The following AKT3 variants were observed in gnomAD, a reference collection of about 807,000 sequenced individuals.
The protein encoded by AKT3 is RAC-gamma serine/threonine-protein kinase.
Under a neutral mutation model 65.3 loss-of-function variants are expected in AKT3, and 15 were observed. That is an observed-to-expected ratio of 0.23 (90% CI 0.15 to 0.35). The LOEUF (loss-of-function observed/expected upper bound fraction) is 0.35, where lower values mean the gene tolerates loss of function less well. AKT3 is among the 10% of genes least tolerant of loss of function. AKT3 has a pLI of 1.00. For missense variants in AKT3, 243 were observed against 576.5 expected (o/e 0.42, Z 5.92); for synonymous variants, 206 against 183.8 (o/e 1.12, Z -0.98).
At chr1:243,597,972 GA>G (rs1182025529) in intron 8 of AKT3, among the ~76,000 whole-genome samples, 6 of 152,084 alleles carry the variant, frequency 3.9e-5, no homozygotes, top group East Asian at 1.9e-4. Flanking sequence ...TTTTGCAATA[GA>G]AAAAAATTAT....
chr1:243,587,362 G>C (rs978826465), intron 8 of AKT3, among the ~76,000 whole-genome samples: 1 of 152,098 alleles, frequency 6.6e-6, no homozygotes, highest in African/African-American at 2.4e-5. Flanking sequence ...TGTAATCCTA[G>C]CACTTTGGGA....
rs759874127 is a variant in AKT3, at chr1:243,670,679, T to C, written c.173-5796A>G. 3.0e-4 allele frequency among the ~76,000 whole-genome samples: 45 copies of C among 152,232 alleles called. 1 individual carries two copies. Among genetic ancestry groups the C allele is most frequent in the Admixed American group, 1.8e-3 (27 of 15,268 alleles). The stretch of plus-strand genomic sequence containing the variant: ...GTAAAGTAAATGTGCTTATACAAAA[T>C]GCCAGGTAGCTAACTCTTATTATAA... On this transcript the variant is annotated intron_variant, in intron 3 of 13. Transcript: ENST00000673466.
Position 243,512,579 on chromosome 1 carries a change from CAGTCAACAGTCTAA to C in AKT3, c.1252-167_1252-154del, listed in dbSNP as rs1670087224. On this transcript the variant is annotated intron_variant, in intron 12 of 13. Coordinates refer to ENST00000673466, the MANE Select transcript of AKT3 (RefSeq NM_005465.7). ...AAGGGAGACATGATATTTGGCTTCC[CAGTCAACAGTCTAA>C]ACCAACCGGTGGGTAATTGGTGGTT... Among the ~76,000 whole-genome samples the C allele has an allele frequency of 2.6e-5, 4 of 152,114 alleles. No individual in the cohort carries two copies. In the South Asian group the frequency reaches 8.3e-4, roughly 32 times the overall value.
intron 2 of AKT3, among the ~76,000 whole-genome samples, chr1:243,723,338 G>GCT (rs1687027829): frequency 6.6e-6 from 1 of 152,118 alleles, no homozygotes; most frequent in South Asian, 2.1e-4. Flanking sequence ...TACTTTCAAA[G>GCT]CTATTTTCTT....
In AKT3 at chr1:243,538,308, A is replaced by T. The variant is rs144079088; in HGVS notation, c.1251+7202T>A. ...CCTCCAAACAATAAAACAGACATAC[A>T]AGAAGACAATAGCAGTGATAAAATG... is the stretch of plus-strand genomic sequence containing the variant. On this transcript the variant is annotated intron_variant, in intron 12 of 13. Coordinates refer to ENST00000673466, the MANE Select transcript of AKT3 (RefSeq NM_005465.7). Among the ~76,000 whole-genome samples the T allele has an allele frequency of 2.0e-5, 3 of 152,262 alleles. No homozygotes were observed. In the East Asian group the frequency reaches 5.8e-4, roughly 29 times the overall value.
At chr1:243,506,547 C>T (rs1295957485) in intron 13 of AKT3, among the ~76,000 whole-genome samples, 1 of 152,270 alleles carries the variant, frequency 6.6e-6, no homozygotes, top group Non-Finnish European at 1.5e-5. Context: ...AGAATAAACA[C>T]TTCCATTCTT....
intron 13 of AKT3, chr1:243,489,154 C>T: frequency 6.2e-7 from 1 of 1,611,138 alleles, no homozygotes; most frequent in Admixed American, 1.7e-5. Context: ...CTGTGCAGAA[C>T]GCGGCGCAGG....
chr1:243,694,536 T>A (rs1475518036), intron 3 of AKT3, among the ~76,000 whole-genome samples: 1 of 151,978 alleles, frequency 6.6e-6, no homozygotes, highest in Admixed American at 6.6e-5. Flanking sequence ...AGCTTTTTTT[T>A]TTAAGTTAGT....
intron 2 of AKT3, among the ~76,000 whole-genome samples, chr1:243,737,424 C>T (rs1037367909): frequency 4.6e-5 from 7 of 152,026 alleles, no homozygotes; most frequent in Non-Finnish European, 1.0e-4. Flanking sequence ...GTTATTCCTT[C>T]TTCTTCTTCT....
At chr1:243,677,079 G>C (rs1438239173) in intron 3 of AKT3, among the ~76,000 whole-genome samples, 1 of 152,122 alleles carries the variant, frequency 6.6e-6, no homozygotes, top group African/African-American at 2.4e-5. Context: ...ATTCCTCACT[G>C]CCAAACTATA....
At chr1:243,814,227 T>C (rs1693370861) in intron 2 of AKT3, among the ~76,000 whole-genome samples, 2 of 152,216 alleles carry the variant, frequency 1.3e-5, no homozygotes, top group African/African-American at 4.8e-5. Context: ...GGGAAAGTAA[T>C]ATTCTCTTCT....
intron 3 of AKT3, among the ~76,000 whole-genome samples, chr1:243,693,243 G>A (rs7526046): frequency 2.2e-5 from 1 of 45,382 alleles, no homozygotes; most frequent in African/African-American, 7.8e-5. Context: ...GCTACAATTT[G>A]ATATATATAT....
chr1:243,748,355 A>T (rs1028409328), intron 2 of AKT3, among the ~76,000 whole-genome samples: 14 of 7,086 alleles, frequency 2.0e-3, no homozygotes, highest in Admixed American at 0.015. Flanking sequence ...ATGGGACTTA[A>T]AAAAAAAAAC....
intron 2 of AKT3, chr1:243,808,340 C>G (rs1184721460): frequency 6.6e-6 from 1 of 152,120 alleles, no homozygotes; most frequent in African/African-American, 2.4e-5. Flanking sequence ...CTTAAAGGAC[C>G]TGATGGAGCT....
At chr1:243,492,703 G>A (rs556775696) in intron 13 of AKT3, among the ~76,000 whole-genome samples, 1 of 141,480 alleles carries the variant, frequency 7.1e-6, no homozygotes, top group Non-Finnish European at 1.5e-5. Context: ...TGCCTCCTGG[G>A]TTCAAGCAAT....
At chr1:243,658,313 T>C (rs114178086) in intron 4 of AKT3, among the ~76,000 whole-genome samples, 106 of 152,288 alleles carry the variant, frequency 7.0e-4, no homozygotes, top group African/African-American at 2.5e-3. Flanking sequence ...AGACATTTCT[T>C]CAAAGTAGAC....
chr1:243,795,500 C>A (rs1691934365), intron 2 of AKT3, among the ~76,000 whole-genome samples: 1 of 103,516 alleles, frequency 9.7e-6, no homozygotes, highest in African/African-American at 3.7e-5. Context: ...GAGACGGAGT[C>A]TCGCTCTGTC....
At chr1:243,673,611 A>ATT (rs11386712) in intron 3 of AKT3, among the ~76,000 whole-genome samples, 6,650 of 124,086 alleles carry the variant, frequency 0.054, 647 homozygotes, top group African/African-American at 0.18. Context: ...TAATTATGAG[A>ATT]TTTTTTTTTT....
At chr1:243,679,714 A>G (rs569491471) in intron 3 of AKT3, among the ~76,000 whole-genome samples, 6 of 152,202 alleles carry the variant, frequency 3.9e-5, no homozygotes, top group African/African-American at 1.4e-4. Context: ...CTGGAGTCTA[A>G]TATCAGAATT....
Sources: allele counts gnomAD v4.1 joint callset (sites outside exome capture counted in the v4.1 genomes callset), GRCh38; gene constraint gnomAD v4.1.1; transcripts MANE v1.5; gene names NCBI Gene and HGNC (gene_info 2026-07-23, HGNC 2026-07-21).